NR2F2: variants seen among roughly 807,000 people sequenced by gnomAD.
The protein encoded by NR2F2 is COUP transcription factor 2.
A neutral mutation model predicts 34.8 loss-of-function variants in NR2F2; 2 were observed. The ratio of observed to expected loss-of-function variants is 0.06; its 90% confidence interval spans 0.02 to 0.18. The LOEUF is 0.18. Among genes scored for constraint, NR2F2 ranks in the 10% least tolerant of loss-of-function variants. NR2F2 has a pLI of 1.00. For synonymous variants in NR2F2, 274 were observed against 251.8 expected, an observed-to-expected ratio of 1.09 and a Z score of -0.84; for missense variants, 300 against 580.1, an observed-to-expected ratio of 0.52 and a Z score of 4.96.
In NR2F2 at chr15:96,333,707, T is replaced by C. The variant is rs537617944; in HGVS notation, c.443-369T>C. ...CCCCAGACTCGCCCCTCCCGCTCCC[T>C]CTCCTCCAATCAATAAGAAATATCA... On this transcript the variant is annotated intron_variant, in intron 1 of 2. Coordinates refer to ENST00000394166, the MANE Select transcript of NR2F2 (RefSeq NM_021005.4). The C allele has an allele frequency of 1.0e-5, 12 of 1,162,544 alleles. No homozygotes were observed. The African/African-American group carries it at 1.7e-4, about 17-fold the overall frequency. The allele number at this position is 1,162,544 out of a possible 1,614,324, so 72.0% of individuals were successfully genotyped here. A position where few individuals can be genotyped will look rare whatever the true frequency, so the allele number is the denominator to read the frequency against.
chr15:96,331,222 C>A lies in NR2F2; in HGVS notation c.-884C>A, dbSNP rs1182247892. On this transcript the variant is annotated 5_prime_UTR_variant, in exon 1 of 3. Coordinates refer to ENST00000394166, the MANE Select transcript of NR2F2 (RefSeq NM_021005.4). ...GCAGGGAACGGCGAGCGGCCTCCAC[C>A]CAGCGACTGCGGGCGGCGGCGGCCG... 1.6e-5 allele frequency: 16 copies of A among 982,038 alleles called. No individual in the cohort carries two copies. Among genetic ancestry groups the A allele is most frequent in the Non-Finnish European group, 1.9e-5 (16 of 828,516 alleles). The allele number at this position is 982,038 out of a possible 1,614,324, so 60.8% of individuals were successfully genotyped here.
chr15:96,331,855 A>C lies in NR2F2; in HGVS notation c.-251A>C. The C allele has an allele frequency of 4.2e-6, 5 of 1,201,852 alleles. No individual in the cohort carries two copies. Among genetic ancestry groups the C allele is most frequent in the Non-Finnish European group, 5.2e-6 (5 of 969,290 alleles). The allele number at this position is 1,201,852 out of a possible 1,614,324, so 74.4% of individuals were successfully genotyped here. A position where few individuals can be genotyped will look rare whatever the true frequency, so the allele number is the denominator to read the frequency against. Reference sequence around the variant, plus strand: ...AAACCAACAAAGCTGAGCCGAGAGAAACAAACAAAACAAACACACCGGGCC... The same window carrying C: ...AAACCAACAAAGCTGAGCCGAGAGACACAAACAAAACAAACACACCGGGCC... On this transcript the variant is annotated 5_prime_UTR_variant, in exon 1 of 3. Transcript: ENST00000394166.
chr15:96,327,123 G>C (rs548273858), upstream of NR2F2: 13 of 149,654 alleles, frequency 8.7e-5, no homozygotes, highest in African/African-American at 3.2e-4. Flanking sequence ...AGACGACAGA[G>C]ACAGAGAGAA....
intron 1 of NR2F2, 64 bp downstream of exon 1, chr15:96,332,611 G>C: frequency 6.4e-7 from 1 of 1,574,526 alleles, no homozygotes; most frequent in Non-Finnish European, 8.7e-7. Flanking sequence ...CGTTTGGCTA[G>C]CCTGCTCTGG....
At chr15:96,336,408 ATG>A (rs1317597098) in intron 2 of NR2F2, among the ~76,000 whole-genome samples, 1 of 152,130 alleles carries the variant, frequency 6.6e-6, no homozygotes, top group Non-Finnish European at 1.5e-5. Flanking sequence ...AGGAGGTTGC[ATG>A]TGTGTTCTGG....
intron 2 of NR2F2, among the ~76,000 whole-genome samples, chr15:96,335,480 C>T (rs141293916): frequency 3.2e-4 from 49 of 152,348 alleles, no homozygotes; most frequent in African/African-American, 1.2e-3. Context: ...CACACCTGAG[C>T]TTTTTGGCTG....
At chr15:96,327,669 A>G (rs1298110532), upstream of NR2F2, among the ~76,000 whole-genome samples, 1 of 152,240 alleles carries the variant, frequency 6.6e-6, no homozygotes, top group Non-Finnish European at 1.5e-5. Flanking sequence ...ATTGAGGGAA[A>G]GGAGGAATTC....
chr15:96,332,268 A>G lies in NR2F2; in HGVS notation c.163A>G (p.Thr55Ala). 6.5e-7 allele frequency: 1 copy of G among 1,549,354 alleles called. No individual in the cohort carries two copies. The highest frequency in any genetic ancestry group is 8.7e-7 in the Non-Finnish European group (1 of 1,148,106). ...GGGCCCAGCCAGCACGCCAGCCCAG[A>G]CGGCGGCCGGTGGCCAGGGCGGCCC... ...QGGPASTPAQ[T>A]AAGGQGGPGG... is the part of the protein sequence containing the mutation. Residue 55 changes from threonine (T) to alanine (A), a missense_variant, in exon 1 of 3, where the codon ACG becomes GCG. By Grantham distance (58) the Thr-to-Ala change is moderately conservative. This residue lies in a region of NR2F2 where 105 missense variants were observed against 107.8 expected (regional missense o/e 0.97). Coordinates refer to ENST00000394166, the MANE Select transcript of NR2F2 (RefSeq NM_021005.4).
intron 2 of NR2F2, among the ~76,000 whole-genome samples, chr15:96,336,925 T>C (rs992585754): frequency 2.6e-5 from 4 of 152,014 alleles, no homozygotes; most frequent in African/African-American, 4.8e-5. Flanking sequence ...CCAACCCCTA[T>C]ATAATTATAA....
At position 96,332,297 on chromosome 15, in the gene NR2F2, C is replaced by A. The variant is rs773912464; in HGVS notation, c.192C>A (p.Gly64=). 3.2e-6 allele frequency: 5 copies of A among 1,571,074 alleles called. No individual in the cohort carries two copies. The highest frequency in any genetic ancestry group is 1.4e-5 in the African/African-American group (1 of 73,752). Residue 64 remains glycine (G), a synonymous_variant, in exon 1 of 3, where the codon GGC becomes GGA. Coordinates refer to ENST00000394166, the MANE Select transcript of NR2F2 (RefSeq NM_021005.4). ...QTAAGGQGGP[G]GPGSDKQQQQ... Reference sequence around the variant, plus strand: ...CGGCCGGTGGCCAGGGCGGCCCTGGCGGCCCGGGTAGCGACAAGCAGCAGC... The same window carrying A: ...CGGCCGGTGGCCAGGGCGGCCCTGGAGGCCCGGGTAGCGACAAGCAGCAGC...
upstream of NR2F2, chr15:96,327,401 A>T (rs1217608485): frequency 1.3e-5 from 2 of 152,032 alleles, no homozygotes; most frequent in African/African-American, 4.8e-5. Flanking sequence ...GGCAGCGAGG[A>T]CTCTTACACT....
At chr15:96,333,791 C>T (rs1899232420) in intron 1 of NR2F2, 9 of 1,386,736 alleles carry the variant, frequency 6.5e-6, no homozygotes, top group Admixed American at 3.0e-5. Context: ...CCCACAGCGC[C>T]GGGGACCCCG....
upstream of NR2F2, chr15:96,326,417 TG>T (rs1898987051): frequency 7.2e-7 from 1 of 1,385,390 alleles, no homozygotes; most frequent in Non-Finnish European, 1.0e-6. The surrounding 1 kb of genome is among the most constrained non-coding windows in gnomAD (Gnocchi z 5.5). Flanking sequence ...TTGTGCTGTG[TG>T]GGGTTGGGGA....
Position 96,332,176 on chromosome 15 carries a change from C to T in NR2F2, c.71C>T (p.Ser24Leu). Residue 24 changes from serine to leucine, a missense_variant, in exon 1 of 3, where the codon TCG (serine) becomes TTG (leucine). This residue lies in a region of NR2F2 where 105 missense variants were observed against 107.8 expected (regional missense o/e 0.97). Coordinates refer to ENST00000394166, the MANE Select transcript of NR2F2 (RefSeq NM_021005.4). ...CCCGGCTCACAGGGCAGCCAGGCCT[C>T]GCAGGCGCCGCCCGTGCCCGGCCCG... is the stretch of plus-strand genomic sequence containing the variant. Reference protein sequence around the residue: ...EVPGSQGSQASQAPPVPGPPP... With the variant: ...EVPGSQGSQALQAPPVPGPPP... 1 of 1,333,850 alleles carries T rather than the reference C, an allele frequency of 7.5e-7. No homozygotes were observed. The allele number at this position is 1,333,850 out of a possible 1,614,324, so 82.6% of individuals were successfully genotyped here. A position where few individuals can be genotyped will look rare whatever the true frequency, so the allele number is the denominator to read the frequency against.
upstream of NR2F2, chr15:96,326,146 C>A: frequency 1.5e-6 from 1 of 647,400 alleles, no homozygotes; most frequent in East Asian, 2.7e-5. The surrounding 1 kb of genome is among the most constrained non-coding windows in gnomAD (Gnocchi z 5.5). Context: ...TCCTCTTTTT[C>A]CCTGCAGGCT....
chr15:96,326,725 T>C (rs1898998981), upstream of NR2F2, among the ~76,000 whole-genome samples: 1 of 151,958 alleles, frequency 6.6e-6, no homozygotes, highest in Admixed American at 6.5e-5. This position sits in a 1 kb window ranked among gnomAD's most constrained non-coding sequence, Gnocchi z 5.5. Context: ...TAAAGCGTGG[T>C]TTTGCAAGCA....
rs1202517887 is a variant in NR2F2, at chr15:96,332,177, G to C, written c.72G>C (p.Ser24=). 7 of 1,333,308 alleles carry C rather than the reference G, an allele frequency of 5.3e-6. No homozygotes were observed. The highest frequency in any genetic ancestry group is 1.5e-5 in the African/African-American group (1 of 64,818). The allele number at this position is 1,333,308 out of a possible 1,614,324, so 82.6% of individuals were successfully genotyped here. A position where few individuals can be genotyped will look rare whatever the true frequency, so the allele number is the denominator to read the frequency against. The change falls in exon 1 of 3, where the codon TCG becomes TCC. Residue 24 remains serine, a synonymous_variant. Coordinates refer to ENST00000394166, the MANE Select transcript of NR2F2 (RefSeq NM_021005.4). ...EVPGSQGSQA[S]QAPPVPGPPP... ...CCGGCTCACAGGGCAGCCAGGCCTC[G>C]CAGGCGCCGCCCGTGCCCGGCCCGC...
upstream of NR2F2, among the ~76,000 whole-genome samples, chr15:96,328,519 C>T (rs1177547571): frequency 6.6e-6 from 1 of 152,198 alleles, no homozygotes. Flanking sequence ...TGAGCTTGTC[C>T]CGAATCTGCT....
In NR2F2 at chr15:96,334,443, GGCC is replaced by G; in HGVS notation, c.818_820del (p.Ala273del). 1 of 1,613,870 alleles carries G rather than the reference GGCC, an allele frequency of 6.2e-7. No individual in the cohort carries two copies. The highest frequency in any genetic ancestry group is 8.5e-7 in the Non-Finnish European group (1 of 1,179,944). On this transcript the variant is annotated inframe_deletion, in exon 2 of 3. Coordinates refer to ENST00000394166, the MANE Select transcript of NR2F2 (RefSeq NM_021005.4). ...TGCCCCTCCACGTCGCCCCGCTCCT[GGCC>G]GCCGCCGGCCTGCATGCTTCGCCCA...
Sources: allele counts gnomAD v4.1 joint callset (sites outside exome capture counted in the v4.1 genomes callset), GRCh38; gene constraint gnomAD v4.1.1; regional missense constraint gnomAD v4.1.1; non-coding constraint Gnocchi (gnomAD v3.1); transcripts MANE v1.5; gene names NCBI Gene and HGNC (gene_info 2026-07-23, HGNC 2026-07-21).